Variants in ZNF704 observed in about 807,000 individuals in gnomAD.
ZNF704 encodes the protein zinc finger protein 704, also known as glucocorticoid induced gene 1.
In ZNF704, 10 loss-of-function variants were observed where a neutral mutation model predicts 44.7. The ratio of observed to expected loss-of-function variants is 0.22; its 90% CI spans 0.14 to 0.38. ZNF704 has a LOEUF of 0.38. Ranked by LOEUF, ZNF704 falls within the 10% of genes least tolerant of loss-of-function variation. The probability of loss-of-function intolerance (pLI) is 1.00; values close to 1 mark genes in which losing one functional copy is unlikely to be tolerated. For missense variants in ZNF704, 390 were observed against 545.5 expected (o/e 0.71, Z 2.84); for synonymous variants, 211 against 207.6 (o/e 1.02, Z -0.14).
chr8:80,641,723 G>T (rs1364881817), intron 8 of ZNF704, among the ~76,000 whole-genome samples: 5 of 152,060 alleles, frequency 3.3e-5, no homozygotes, highest in African/African-American at 1.2e-4. Flanking sequence ...ACAAAAATTA[G>T]CCAGGCATGT....
intron 2 of ZNF704, among the ~76,000 whole-genome samples, chr8:80,753,448 CAA>C (rs931860759): frequency 3.8e-5 from 5 of 130,312 alleles, no homozygotes; most frequent in African/African-American, 2.8e-5. Context: ...GCCACTTGGA[CAA>C]AAAAAAAAAA....
chr8:80,648,595 T>C (rs1232457831), intron 7 of ZNF704, among the ~76,000 whole-genome samples: 1 of 152,178 alleles, frequency 6.6e-6, no homozygotes, highest in African/African-American at 2.4e-5. Flanking sequence ...ATAATCTATA[T>C]CTACATCTTA....
intron 4 of ZNF704, 138 bp from the exon 5 acceptor site, chr8:80,670,741 T>C (rs931418540): frequency 4.8e-6 from 3 of 630,538 alleles, no homozygotes; most frequent in South Asian, 1.9e-5. Flanking sequence ...CAGCACACTA[T>C]TGTAGGCATC....
At chr8:80,856,283 G>C (rs374021108) in intron 1 of ZNF704, among the ~76,000 whole-genome samples, 1 of 152,006 alleles carries the variant, frequency 6.6e-6, no homozygotes, top group Non-Finnish European at 1.5e-5. Context: ...GATAAACACT[G>C]CAATTACTTC....
the ZNF704 span, among the ~76,000 whole-genome samples, chr8:80,881,552 T>C: frequency 3.9e-5 from 6 of 152,328 alleles, no homozygotes; most frequent in East Asian, 1.2e-3. Context: ...CTCCGTAGGA[T>C]ACCTGCTAAC....
intron 2 of ZNF704, among the ~76,000 whole-genome samples, chr8:80,817,053 CCAAA>C (rs1454792982): frequency 6.6e-6 from 1 of 152,086 alleles, no homozygotes; most frequent in Non-Finnish European, 1.5e-5. Context: ...GATCCTAGGG[CCAAA>C]CAATCAGTTG....
chr8:80,877,160 T>A (rs1442419493), upstream of ZNF704, among the ~76,000 whole-genome samples: 2 of 135,314 alleles, frequency 1.5e-5, no homozygotes, highest in East Asian at 4.3e-4. Flanking sequence ...GGCCCCACAT[T>A]GCTGGAAAGG....
At chr8:80,868,125 G>C (rs1457377203) in intron 1 of ZNF704, among the ~76,000 whole-genome samples, 2 of 152,072 alleles carry the variant, frequency 1.3e-5, no homozygotes, top group African/African-American at 4.8e-5. Flanking sequence ...GTTTGACAGT[G>C]CCTTTGTTTT....
chr8:80,701,899 G>A (rs1375316078), intron 2 of ZNF704, among the ~76,000 whole-genome samples: 3 of 152,196 alleles, frequency 2.0e-5, no homozygotes, highest in African/African-American at 7.2e-5. Flanking sequence ...GGCAGTCATT[G>A]TAGAGGACTC....
At chr8:80,757,035 C>T (rs1392831385) in intron 2 of ZNF704, among the ~76,000 whole-genome samples, 4 of 152,184 alleles carry the variant, frequency 2.6e-5, no homozygotes, top group African/African-American at 7.2e-5. Flanking sequence ...TGAAAAATTC[C>T]TATTGACTAG....
At chr8:80,678,302 G>A (rs749232942) in intron 4 of ZNF704, among the ~76,000 whole-genome samples, 4 of 152,186 alleles carry the variant, frequency 2.6e-5, no homozygotes, top group Admixed American at 2.0e-4. Context: ...GGGGGCAATC[G>A]CAAAACAAAG....
At position 80,732,846 on chromosome 8, in the gene ZNF704, C is replaced by G. The variant is rs1400339112; in HGVS notation, c.222-39739G>C. Among the ~76,000 whole-genome samples, 8 of 151,314 alleles carry G rather than the reference C, an allele frequency of 5.3e-5. No homozygotes were observed. The Admixed American group carries it at 5.3e-4, about 10-fold the overall frequency. ...TGGCATGCGCCTGTATGCCCAGCTA[C>G]TCGAGAGGCTGAGGCAGGAGTTACT... On this transcript the variant is annotated intron_variant, in intron 2 of 8. Transcript: ENST00000327835.
intron 2 of ZNF704, among the ~76,000 whole-genome samples, chr8:80,723,070 G>A (rs992167156): frequency 8.5e-5 from 13 of 152,200 alleles, no homozygotes; most frequent in African/African-American, 3.1e-4. Context: ...TATTTGACAT[G>A]CTCTTGTGAA....
rs1214794883 is a variant in ZNF704, at chr8:80,630,866, T to C, written c.*10500A>G. On this transcript the variant is annotated 3_prime_UTR_variant, in exon 9 of 9. Transcript: ENST00000327835. The stretch of plus-strand genomic sequence containing the variant: ...AATTTTAGGGTGTGTTGTAGGAAAA[T>C]ATTGATTCAGGGATTTTTTTTAAAA... The C allele has an allele frequency of 6.6e-6, 1 of 152,162 alleles. No homozygotes were observed. The highest frequency in any genetic ancestry group is 2.4e-5 in the African/African-American group (1 of 41,426). The allele number at this position is 152,162 out of a possible 1,614,324, so 9.4% of individuals were successfully genotyped here.
chr8:80,734,458 AGAATTAGATG>A lies in ZNF704; in HGVS notation c.222-41361_222-41352del, dbSNP rs527499478. Reference sequence around the variant, plus strand: ...TGAAGTACTATGACTATCCATAACAAGAATTAGATGTCTAACTGTTCAGTATAATACTGAA... The same window carrying A: ...TGAAGTACTATGACTATCCATAACAATCTAACTGTTCAGTATAATACTGAA... On this transcript the variant is annotated intron_variant, in intron 2 of 8. Coordinates refer to ENST00000327835, the MANE Select transcript of ZNF704 (RefSeq NM_001033723.3). Among the ~76,000 whole-genome samples, 436 of 152,376 alleles carry A rather than the reference AGAATTAGATG, an allele frequency of 2.9e-3. 4 individuals carry two copies. Among genetic ancestry groups the A allele is most frequent in the South Asian group, 9.1e-3 (44 of 4,828 alleles).
chr8:80,648,452 G>A (rs1653060644), intron 7 of ZNF704, among the ~76,000 whole-genome samples: 1 of 152,188 alleles, frequency 6.6e-6, no homozygotes, highest in African/African-American at 2.4e-5. Flanking sequence ...TTTTAGTTGA[G>A]GATGAGGGTG....
At chr8:80,873,837 G>A (rs1809305792) in intron 1 of ZNF704, among the ~76,000 whole-genome samples, 1 of 147,052 alleles carries the variant, frequency 6.8e-6, no homozygotes, top group African/African-American at 2.5e-5. Context: ...GCCCGAGGGG[G>A]GCCGGTCCCG....
intron 2 of ZNF704, among the ~76,000 whole-genome samples, chr8:80,701,166 G>GT (rs1818804126): frequency 7.1e-6 from 1 of 140,914 alleles, no homozygotes; most frequent in African/African-American, 3.2e-5. Context: ...GCTCTTTACT[G>GT]TCCACCTCAG....
chr8:80,848,902 TATTA>T (rs907169106), intron 1 of ZNF704, among the ~76,000 whole-genome samples: 1 of 152,220 alleles, frequency 6.6e-6, no homozygotes, highest in Non-Finnish European at 1.5e-5. Flanking sequence ...GAGATTATAC[TATTA>T]GTTAAGAGCT....
Sources: gnomAD v4.1 joint callset for allele counts (sites outside exome capture counted in the v4.1 genomes callset) on GRCh38, gnomAD v4.1.1 for gene constraint, MANE v1.5 for transcripts, NCBI Gene and HGNC (gene_info 2026-07-23, HGNC 2026-07-21) for gene names.